MOB3B: variants seen among roughly 807,000 people sequenced by gnomAD.
MOB3B encodes MOB kinase activator-like 2B.
A neutral mutation model predicts 18.7 loss-of-function variants in MOB3B; 7 were observed. The observed-to-expected ratio is 0.37, with a 90% CI of 0.21 to 0.70. MOB3B has a LOEUF of 0.70. Ranked by LOEUF, MOB3B falls within the 30% of genes least tolerant of loss-of-function variation. The probability of loss-of-function intolerance (pLI) is 0.52; values close to 1 mark genes in which losing one functional copy is unlikely to be tolerated. For missense variants in MOB3B, 253 were observed against 281.3 expected, an observed-to-expected ratio of 0.90 and a Z score of 0.72; for synonymous variants, 111 against 99.9, an observed-to-expected ratio of 1.11 and a Z score of -0.66.
At chr9:27,344,603 A>G (rs1310215902) in intron 3 of MOB3B, among the ~76,000 whole-genome samples, 1 of 152,068 alleles carries the variant, frequency 6.6e-6, no homozygotes, top group Non-Finnish European at 1.5e-5. Context: ...GAGAAAGAGG[A>G]AACCACAATA....
At chr9:27,505,811 C>T (rs530997954) in intron 1 of MOB3B, among the ~76,000 whole-genome samples, 11 of 152,292 alleles carry the variant, frequency 7.2e-5, no homozygotes, top group Middle Eastern at 6.8e-3. Flanking sequence ...TGAAGTGACA[C>T]ATTCTTCAGG....
At chr9:27,483,579 G>A (rs1819694994) in intron 1 of MOB3B, among the ~76,000 whole-genome samples, 1 of 152,172 alleles carries the variant, frequency 6.6e-6, no homozygotes, top group Admixed American at 6.5e-5. Flanking sequence ...CATAGCTCCT[G>A]AGAAAACAGA....
At chr9:27,435,394 G>C (rs1036527486) in intron 2 of MOB3B, among the ~76,000 whole-genome samples, 1 of 151,986 alleles carries the variant, frequency 6.6e-6, no homozygotes, top group African/African-American at 2.4e-5. Context: ...TGTTTTCTCA[G>C]GAAGTTCCAT....
chr9:27,357,303 C>T (rs560520987), intron 3 of MOB3B, among the ~76,000 whole-genome samples: 1 of 150,842 alleles, frequency 6.6e-6, no homozygotes, highest in East Asian at 2.0e-4. Flanking sequence ...GATTCTCTAA[C>T]ATCAAAGGGG....
intron 2 of MOB3B, among the ~76,000 whole-genome samples, chr9:27,362,213 A>G (rs1351173465): frequency 6.6e-6 from 1 of 151,982 alleles, no homozygotes; most frequent in East Asian, 1.9e-4. Context: ...ATGGCTTTAG[A>G]GTAGTTGGTT....
At chr9:27,352,964 A>C (rs1821127501) in intron 3 of MOB3B, among the ~76,000 whole-genome samples, 1 of 152,212 alleles carries the variant, frequency 6.6e-6, no homozygotes, top group Non-Finnish European at 1.5e-5. Context: ...TTGACCACAG[A>C]AGGAAGTCTG....
intron 2 of MOB3B, among the ~76,000 whole-genome samples, chr9:27,398,211 A>C (rs1821829258): frequency 6.6e-6 from 1 of 152,226 alleles, no homozygotes; most frequent in Non-Finnish European, 1.5e-5. Flanking sequence ...ACAGTGGGAC[A>C]GAGATGTCTC....
At position 27,455,761 on chromosome 9, in the gene MOB3B, G is replaced by T; in HGVS notation, c.-198-13C>A. On this transcript the variant is annotated splice_polypyrimidine_tract_variant and intron_variant, in intron 1 of 3. Transcript: ENST00000262244. ...CTCATGTTCTTTCCTAAAGGTAGAA[G>T]AGAAAAGGGAACACATGAGTGCCCA... The T allele has an allele frequency of 7.0e-7, 1 of 1,424,704 alleles. No homozygotes were observed. 88.3% of individuals were successfully genotyped at this position (1,424,704 alleles called of 1,614,324 possible).
intron 1 of MOB3B, among the ~76,000 whole-genome samples, chr9:27,460,368 T>C (rs1819267109): frequency 6.6e-6 from 1 of 152,172 alleles, no homozygotes; most frequent in Admixed American, 6.5e-5. Flanking sequence ...ATGTGCACTA[T>C]AAAAACATGC....
intron 2 of MOB3B, among the ~76,000 whole-genome samples, chr9:27,385,606 A>T (rs955507004): frequency 6.6e-6 from 1 of 152,156 alleles, no homozygotes. Flanking sequence ...GACTTAATTT[A>T]TTAATGTCTA....
chr9:27,464,272 G>T lies in MOB3B; in HGVS notation c.-198-8524C>A, dbSNP rs79423857. On this transcript the variant is annotated intron_variant, in intron 1 of 3. Coordinates refer to ENST00000262244, the MANE Select transcript of MOB3B (RefSeq NM_024761.5). ...CCCTGCATAGGAGGAAAGAAAGAAA[G>T]AAAATGCTTCATTCTTGCTTAATTT... 4.6e-3 allele frequency among the ~76,000 whole-genome samples: 693 copies of T among 152,198 alleles called. 9 individuals carry two copies. Among genetic ancestry groups the T allele is most frequent in the African/African-American group, 0.016 (651 of 41,524 alleles).
At chr9:27,524,312 C>CTGGATTTT in intron 1 of MOB3B, 1 of 1,600,088 alleles carries the variant, frequency 6.2e-7, no homozygotes, top group South Asian at 1.1e-5. Context: ...TACACATCTT[C>CTGGATTTT]TGGATTTTTT....
intron 3 of MOB3B, among the ~76,000 whole-genome samples, chr9:27,339,741 A>G (rs1259371177): frequency 6.6e-6 from 1 of 152,236 alleles, no homozygotes; most frequent in East Asian, 1.9e-4. Flanking sequence ...ATCCTGAGCC[A>G]TCGTGCTGAA....
intron 1 of MOB3B, among the ~76,000 whole-genome samples, chr9:27,470,345 C>A (rs1407391315): frequency 1.3e-5 from 2 of 152,094 alleles, no homozygotes; most frequent in Non-Finnish European, 2.9e-5. Flanking sequence ...CTCCTCTCAA[C>A]AGCCACTGAA....
At chr9:27,372,697 C>T (rs1244987563) in intron 2 of MOB3B, among the ~76,000 whole-genome samples, 1 of 152,152 alleles carries the variant, frequency 6.6e-6, no homozygotes, top group Non-Finnish European at 1.5e-5. Context: ...GAATGTTCTA[C>T]AAAACATCTG....
chr9:27,527,407 G>T (rs1820451719), intron 1 of MOB3B, among the ~76,000 whole-genome samples: 1 of 152,158 alleles, frequency 6.6e-6, no homozygotes, highest in South Asian at 2.1e-4. Flanking sequence ...AAGGTAAAGA[G>T]ATATAATACC....
intron 1 of MOB3B, among the ~76,000 whole-genome samples, chr9:27,469,787 TC>T (rs1208548472): frequency 5.9e-5 from 9 of 151,598 alleles, no homozygotes; most frequent in Non-Finnish European, 1.0e-4. Flanking sequence ...CTTCAAAACT[TC>T]CCCCCTCCCT....
In MOB3B at chr9:27,415,063, T is replaced by C. The variant is rs1407966971; in HGVS notation, c.418+40070A>G. On this transcript the variant is annotated intron_variant, in intron 2 of 3. Coordinates refer to ENST00000262244, the MANE Select transcript of MOB3B (RefSeq NM_024761.5). ...TTTTAGTAGGGACGGGGTTTCACCA[T>C]GTTGGCCAGGCTGGTTTCAAACTCC... is the stretch of plus-strand genomic sequence containing the variant. 2.0e-5 allele frequency among the ~76,000 whole-genome samples: 3 copies of C among 152,006 alleles called. No individual in the cohort carries two copies. The East Asian group carries it at 5.8e-4, about 29-fold the overall frequency.
chr9:27,395,004 G>A (rs1383850152), intron 2 of MOB3B, among the ~76,000 whole-genome samples: 1 of 152,184 alleles, frequency 6.6e-6, no homozygotes, highest in Non-Finnish European at 1.5e-5. Flanking sequence ...CACTGCTGAT[G>A]AGAGGTCCAG....
Sources: gnomAD v4.1 joint callset for allele counts (sites outside exome capture counted in the v4.1 genomes callset) on GRCh38, gnomAD v4.1.1 for gene constraint, MANE v1.5 for transcripts, NCBI Gene and HGNC (gene_info 2026-07-23, HGNC 2026-07-21) for gene names.